The following SDK1 variants were observed in gnomAD, a reference collection of about 807,000 sequenced individuals.
The protein encoded by SDK1 is sidekick cell adhesion molecule 1.
SDK1 carries 157 observed loss-of-function variants against 245.5 expected under a neutral mutation model. The ratio of observed to expected loss-of-function variants is 0.64; its 90% confidence interval spans 0.56 to 0.73. The LOEUF is 0.73. SDK1 is among the 30% of genes least tolerant of loss of function. The pLI, the probability that SDK1 is intolerant of heterozygous loss-of-function variation, is 0.00. For missense variants in SDK1, 3,583 were observed against 3,002.3 expected (o/e 1.19, Z -4.52); for synonymous variants, 1,647 against 1,278.5 (o/e 1.29, Z -6.15).
chr7:4,156,332 G>A (rs2128210426), intron 30 of SDK1, among the ~76,000 whole-genome samples: 1 of 152,306 alleles, frequency 6.6e-6, no homozygotes, highest in Middle Eastern at 3.4e-3. Context: ...AGGGGAAATT[G>A]TTTGTTTTAA....
At chr7:3,396,703 T>C (rs1781905059) in intron 1 of SDK1, among the ~76,000 whole-genome samples, 1 of 151,760 alleles carries the variant, frequency 6.6e-6, no homozygotes. Flanking sequence ...GATATATCTT[T>C]TCCCATCCTT....
At chr7:3,454,383 A>G (rs1490778691) in intron 1 of SDK1, among the ~76,000 whole-genome samples, 3 of 72,062 alleles carry the variant, frequency 4.2e-5, no homozygotes, top group Non-Finnish European at 9.6e-5. Context: ...CGTGTTCCCC[A>G]AGATTTGTGT....
At chr7:3,891,755 G>T (rs1038686825) in intron 5 of SDK1, among the ~76,000 whole-genome samples, 1 of 152,194 alleles carries the variant, frequency 6.6e-6, no homozygotes, top group East Asian at 1.9e-4. Flanking sequence ...GCCAATGATT[G>T]CATCTTTGAT....
intron 4 of SDK1, among the ~76,000 whole-genome samples, chr7:3,673,879 G>C (rs376713323): frequency 1.3e-5 from 2 of 152,166 alleles, no homozygotes; most frequent in Non-Finnish European, 2.9e-5. Context: ...GATTATTATT[G>C]ATGAACTGAT....
At chr7:3,363,865 C>A (rs1333178261) in intron 1 of SDK1, among the ~76,000 whole-genome samples, 3 of 152,092 alleles carry the variant, frequency 2.0e-5, no homozygotes, top group Non-Finnish European at 4.4e-5. Context: ...GGGTTGGGGA[C>A]CCCTGGTTTA....
intron 5 of SDK1, among the ~76,000 whole-genome samples, chr7:3,848,635 C>T (rs1451252372): frequency 6.6e-6 from 1 of 151,976 alleles, no homozygotes; most frequent in African/African-American, 2.4e-5. Flanking sequence ...AAGACCACCA[C>T]CCAGGCCACG....
chr7:3,537,963 G>T (rs1778936242), intron 1 of SDK1, among the ~76,000 whole-genome samples: 1 of 152,198 alleles, frequency 6.6e-6, no homozygotes, highest in South Asian at 2.1e-4. Context: ...CTCCAGGGTG[G>T]AGAGGGCAGT....
chr7:3,467,311 T>TA (rs948482323), intron 1 of SDK1, among the ~76,000 whole-genome samples: 20 of 151,664 alleles, frequency 1.3e-4, no homozygotes, highest in Admixed American at 9.9e-4. Context: ...TATGTTTCTC[T>TA]AAAAAAAAGG....
intron 1 of SDK1, among the ~76,000 whole-genome samples, chr7:3,320,387 G>C (rs1227233732): frequency 6.6e-6 from 1 of 151,934 alleles, no homozygotes; most frequent in East Asian, 1.9e-4. Context: ...TATGGAGTAA[G>C]AACTCATGTT....
chr7:4,087,873 T>C (rs1781526786), intron 22 of SDK1, among the ~76,000 whole-genome samples: 1 of 152,212 alleles, frequency 6.6e-6, no homozygotes, highest in Non-Finnish European at 1.5e-5. Flanking sequence ...AAGGTTGTCA[T>C]GAGGATTAAC....
chr7:3,800,358 C>T (rs1021117489), intron 4 of SDK1, among the ~76,000 whole-genome samples: 1 of 147,530 alleles, frequency 6.8e-6, no homozygotes, highest in African/African-American at 2.6e-5. Context: ...CTTTTACTTA[C>T]TTACTTACTT....
intron 4 of SDK1, among the ~76,000 whole-genome samples, chr7:3,715,786 G>T (rs1403928506): frequency 6.6e-6 from 1 of 152,090 alleles, no homozygotes; most frequent in Non-Finnish European, 1.5e-5. Context: ...ATCACAACTT[G>T]AATGAGAAGA....
intron 17 of SDK1, among the ~76,000 whole-genome samples, chr7:4,019,783 C>T (rs960443258): frequency 6.6e-5 from 10 of 152,038 alleles, no homozygotes; most frequent in African/African-American, 2.2e-4. Flanking sequence ...CAGACACAGT[C>T]GTAATTCCTG....
At chr7:4,116,146 A>T (rs1051871445) in intron 25 of SDK1, among the ~76,000 whole-genome samples, 2 of 152,070 alleles carry the variant, frequency 1.3e-5, no homozygotes, top group Non-Finnish European at 1.5e-5. Context: ...GGTGGTGCCG[A>T]GGTGGGAGGG....
intron 13 of SDK1, among the ~76,000 whole-genome samples, chr7:3,975,953 C>CGAGGCTGCCA (rs1782918090): frequency 7.2e-6 from 1 of 138,284 alleles, no homozygotes; most frequent in Non-Finnish European, 1.6e-5. Context: ...GCTGAGGCTG[C>CGAGGCTGCCA]CACGCAGAGG....
chr7:4,049,321 C>T (rs1789263606), intron 17 of SDK1, 27 bp from the exon 18 acceptor site: 2 of 1,578,626 alleles, frequency 1.3e-6, no homozygotes, highest in African/African-American at 2.7e-5. Context: ...ATTTGTTCTG[C>T]TGTCATCAAT....
At chr7:3,866,785 T>C (rs755634316) in intron 5 of SDK1, among the ~76,000 whole-genome samples, 1 of 152,176 alleles carries the variant, frequency 6.6e-6, no homozygotes, top group Non-Finnish European at 1.5e-5. Flanking sequence ...TTAGGGATAC[T>C]GGCTGTGGAG....
chr7:3,566,010 C>T (rs186719573), intron 1 of SDK1, among the ~76,000 whole-genome samples: 24 of 151,940 alleles, frequency 1.6e-4, no homozygotes, highest in Non-Finnish European at 2.4e-4. Flanking sequence ...CTTACAGCAA[C>T]GAAAGCAATA....
chr7:4,227,190 A>G, intron 40 of SDK1: 1 of 318,380 alleles, frequency 3.1e-6, no homozygotes, highest in Admixed American at 4.3e-5. Context: ...AGAAGTTCCA[A>G]GTCAGCAGGT....
Sources: allele counts gnomAD v4.1 joint callset (sites outside exome capture counted in the v4.1 genomes callset), GRCh38; gene constraint gnomAD v4.1.1; transcripts MANE v1.5; gene names NCBI Gene and HGNC (gene_info 2026-07-23, HGNC 2026-07-21).